FBXO25: variants seen among roughly 807,000 people sequenced by gnomAD.
The protein encoded by FBXO25 is F-box only protein 25.
A neutral mutation model predicts 51.9 loss-of-function variants in FBXO25; 45 were observed. The ratio of observed to expected loss-of-function variants is 0.87; its 90% CI spans 0.68 to 1.11. The LOEUF (loss-of-function observed/expected upper bound fraction) is 1.11, where lower values mean the gene tolerates loss of function less well. FBXO25 is among the 50% of genes most tolerant of loss of function. The pLI is 0.00. For synonymous variants in FBXO25, 199 were observed against 151.0 expected (o/e 1.32, Z -2.33); for missense variants, 507 against 428.5 (o/e 1.18, Z -1.62).
intron 8 of FBXO25, among the ~76,000 whole-genome samples, chr8:460,677 C>A (rs1381803105): frequency 6.6e-6 from 1 of 152,164 alleles, no homozygotes; most frequent in Non-Finnish European, 1.5e-5. Context: ...GGGGATTCTC[C>A]CGTGAACACT....
rs1800578130 is a variant in FBXO25, at chr8:474,293, T to A, written c.*5489T>A. On this transcript the variant is annotated 3_prime_UTR_variant, in exon 10 of 10. Transcript: ENST00000350302. ...TGTAGGATATGTCAAGATTTCTTTT[T>A]AAGGCTGATTCTATGGATGGACCAC... The A allele has an allele frequency of 5.5e-6, 1 of 182,788 alleles. No individual in the cohort carries two copies. The highest frequency in any genetic ancestry group is 2.4e-5 in the African/African-American group (1 of 41,756). 11.3% of individuals were successfully genotyped at this position (182,788 alleles called of 1,614,324 possible).
At chr8:451,971 A>C (rs1799127879) in intron 7 of FBXO25, among the ~76,000 whole-genome samples, 1 of 152,206 alleles carries the variant, frequency 6.6e-6, no homozygotes, top group Non-Finnish European at 1.5e-5. Context: ...GAATAATGTT[A>C]ACACCATTGC....
At chr8:418,660 G>A (rs527254844) in intron 2 of FBXO25, among the ~76,000 whole-genome samples, 1 of 152,204 alleles carries the variant, frequency 6.6e-6, no homozygotes, top group South Asian at 2.1e-4. Context: ...TTAAGTAAGA[G>A]AGCTCTTTCA....
chr8:413,629 C>T (rs1368933555), intron 2 of FBXO25, among the ~76,000 whole-genome samples: 1 of 152,124 alleles, frequency 6.6e-6, no homozygotes, highest in Non-Finnish European at 1.5e-5. Flanking sequence ...TGTCAAGGGG[C>T]CAAGCACAGT....
At chr8:420,082 G>A (rs562218495) in intron 2 of FBXO25, among the ~76,000 whole-genome samples, 13 of 152,154 alleles carry the variant, frequency 8.5e-5, no homozygotes, top group Admixed American at 3.9e-4. Context: ...CAAGCAATCC[G>A]GAAGGTAAAC....
intron 2 of FBXO25, among the ~76,000 whole-genome samples, chr8:419,790 AG>A (rs1797039824): frequency 6.6e-6 from 1 of 151,256 alleles, no homozygotes; most frequent in Admixed American, 6.6e-5. Context: ...TTTCCATAAA[AG>A]AAAAAAAATC....
In FBXO25 at chr8:471,616, C is replaced by T. The variant is rs938317867; in HGVS notation, c.*2812C>T. On this transcript the variant is annotated 3_prime_UTR_variant, in exon 10 of 10. Transcript: ENST00000350302. ...TCAAGATAGAATCTCCAGTCATTCT[C>T]GGACCTGTTCTCAGTCTGCGCTGCT... The T allele has an allele frequency of 3.9e-5, 6 of 152,192 alleles. No individual in the cohort carries two copies. Among genetic ancestry groups the T allele is most frequent in the Admixed American group, 2.6e-4 (4 of 15,286 alleles). 9.4% of individuals were successfully genotyped at this position (152,192 alleles called of 1,614,324 possible).
chr8:407,276 C>T lies in FBXO25; in HGVS notation c.-8+210C>T, dbSNP rs549647106. On this transcript the variant is annotated intron_variant, in intron 1 of 9. Coordinates refer to ENST00000350302, the MANE Select transcript of FBXO25 (RefSeq NM_183420.2). The stretch of plus-strand genomic sequence containing the variant: ...GGCCTGTGGGAGGGTCAGGTGGGGA[C>T]CGGGGGCCTCGGGCGCGTCAGGTGG... 1.4e-5 allele frequency: 12 copies of T among 876,120 alleles called. No individual in the cohort carries two copies. In the South Asian group the frequency reaches 5.2e-4, roughly 38 times the overall value. 54.3% of individuals were successfully genotyped at this position (876,120 alleles called of 1,614,324 possible).
At chr8:467,021 G>C (rs1323892879) in intron 9 of FBXO25, among the ~76,000 whole-genome samples, 1 of 152,164 alleles carries the variant, frequency 6.6e-6, no homozygotes, top group Non-Finnish European at 1.5e-5. Flanking sequence ...CTGGCCATCT[G>C]ACGTTCACCC....
intron 2 of FBXO25, among the ~76,000 whole-genome samples, chr8:419,070 A>G (rs1290259174): frequency 6.6e-6 from 1 of 152,232 alleles, no homozygotes; most frequent in East Asian, 1.9e-4. Context: ...TTAGAAAGTC[A>G]GAGCAACGGC....
At chr8:408,269 C>T (rs573503977) in intron 1 of FBXO25, among the ~76,000 whole-genome samples, 2 of 151,886 alleles carry the variant, frequency 1.3e-5, no homozygotes, top group South Asian at 4.2e-4. Flanking sequence ...GTTTTAGTGC[C>T]TTTGTATTTA....
At chr8:446,526 G>A (rs866502559) in intron 5 of FBXO25, among the ~76,000 whole-genome samples, 2 of 152,138 alleles carry the variant, frequency 1.3e-5, no homozygotes, top group African/African-American at 2.4e-5. Context: ...GCTATTATTA[G>A]CGATAATGCT....
chr8:436,976 G>C (rs1798141859), intron 5 of FBXO25, among the ~76,000 whole-genome samples: 2 of 152,112 alleles, frequency 1.3e-5, no homozygotes, highest in Admixed American at 6.5e-5. Context: ...TCTGGAGAAG[G>C]TGCGAGTATT....
At chr8:442,541 C>T (rs1342641469) in intron 5 of FBXO25, among the ~76,000 whole-genome samples, 1 of 152,100 alleles carries the variant, frequency 6.6e-6, no homozygotes, top group African/African-American at 2.4e-5. Flanking sequence ...ATAATCTTGG[C>T]CCACTGCAAC....
chr8:468,942 C>G lies in FBXO25; in HGVS notation c.*138C>G. The G allele has an allele frequency of 1.4e-6, 1 of 703,882 alleles. No homozygotes were observed. Among genetic ancestry groups the G allele is most frequent in the Non-Finnish European group, 2.3e-6 (1 of 432,938 alleles). 43.6% of individuals were successfully genotyped at this position (703,882 alleles called of 1,614,324 possible). On this transcript the variant is annotated 3_prime_UTR_variant, in exon 10 of 10. Coordinates refer to ENST00000350302, the MANE Select transcript of FBXO25 (RefSeq NM_183420.2). ...AAGCCTGGGAAGAACTGCCCTTCTGCAAAGGGGGGACTGCATGGTTGCATT... is the reference window on the plus strand; with the variant it reads ...AAGCCTGGGAAGAACTGCCCTTCTGGAAAGGGGGGACTGCATGGTTGCATT...
intron 1 of FBXO25, among the ~76,000 whole-genome samples, chr8:411,259 A>G (rs1165651409): frequency 1.3e-5 from 2 of 152,200 alleles, no homozygotes; most frequent in Non-Finnish European, 2.9e-5. Context: ...AACTCTTGCC[A>G]TGCTTGGCAT....
rs374446631 is a variant in FBXO25, at chr8:432,090, C to T, written c.238+646C>T. On this transcript the variant is annotated intron_variant, in intron 3 of 9. Coordinates refer to ENST00000350302, the MANE Select transcript of FBXO25 (RefSeq NM_183420.2). ...GATTAACGAGAATAATAAAATGAAA[C>T]AGTTATAGCAAGATGGCCACCATCA... 4.9e-4 allele frequency among the ~76,000 whole-genome samples: 74 copies of T among 151,998 alleles called. 1 individual carries two copies. Among genetic ancestry groups the T allele is most frequent in the Middle Eastern group, 6.8e-3 (2 of 292 alleles).
In FBXO25 at chr8:476,381, T is replaced by C. The variant is rs747064871; in HGVS notation, c.*7577T>C. 4.6e-5 allele frequency: 7 copies of C among 152,210 alleles called. No individual in the cohort carries two copies. The highest frequency in any genetic ancestry group is 5.9e-5 in the Non-Finnish European group (4 of 68,024). The allele number at this position is 152,210 out of a possible 1,614,324, so 9.4% of individuals were successfully genotyped here. A position where few individuals can be genotyped will look rare whatever the true frequency, so the allele number is the denominator to read the frequency against. On this transcript the variant is annotated 3_prime_UTR_variant, in exon 10 of 10. Transcript: ENST00000350302. ...TGGTATCAGAATAATGATGGCCTCA[T>C]AGAATGCATTTGGAAGTGTCCTTTC...
chr8:462,149 C>T (rs964858511), intron 8 of FBXO25, among the ~76,000 whole-genome samples: 7 of 152,174 alleles, frequency 4.6e-5, no homozygotes, highest in Non-Finnish European at 1.0e-4. Flanking sequence ...CACCCCTCCC[C>T]AGTGCTTCTC....
Sources: allele counts gnomAD v4.1 joint callset (sites outside exome capture counted in the v4.1 genomes callset), GRCh38; gene constraint gnomAD v4.1.1; transcripts MANE v1.5; gene names NCBI Gene and HGNC (gene_info 2026-07-23, HGNC 2026-07-21).